VSTM2B: variants seen among roughly 807,000 people sequenced by gnomAD.
VSTM2B encodes V-set and transmembrane domain containing 2B.
In VSTM2B, 24 loss-of-function variants were observed where a neutral mutation model predicts 24.0. That is an observed-to-expected ratio of 1.00 (90% CI 0.72 to 1.40). The LOEUF (loss-of-function observed/expected upper bound fraction) is 1.40. VSTM2B is among the 40% of genes most tolerant of loss of function. The pLI is 0.00. For missense variants in VSTM2B, 399 were observed against 416.4 expected (o/e 0.96, Z 0.36); for synonymous variants, 226 against 194.4 (o/e 1.16, Z -1.35).
chr19:29,560,329 C>T (rs549071350), intron 4 of VSTM2B, among the ~76,000 whole-genome samples: 3 of 152,196 alleles, frequency 2.0e-5, no homozygotes, highest in African/African-American at 7.2e-5. Context: ...TGAGACATGC[C>T]ATGCACATAT....
chr19:29,531,769 G>T (rs1323301460), intron 4 of VSTM2B, among the ~76,000 whole-genome samples: 1 of 152,234 alleles, frequency 6.6e-6, no homozygotes, highest in Non-Finnish European at 1.5e-5. Context: ...ATCACTAGGT[G>T]CTGTGACAAA....
intron 4 of VSTM2B, among the ~76,000 whole-genome samples, chr19:29,543,468 C>T (rs771467662): frequency 6.6e-6 from 1 of 152,196 alleles, no homozygotes; most frequent in Non-Finnish European, 1.5e-5. Context: ...AACCCAAAGG[C>T]GGATTGTAAT....
At position 29,564,053 on chromosome 19, in the gene VSTM2B, G is replaced by A. The variant is rs951950336; in HGVS notation, c.*119G>A. 4 of 740,326 alleles carry A rather than the reference G, an allele frequency of 5.4e-6. No individual in the cohort carries two copies. Among genetic ancestry groups the A allele is most frequent in the Non-Finnish European group, 8.9e-6 (4 of 447,516 alleles). The allele number at this position is 740,326 out of a possible 1,614,324, so 45.9% of individuals were successfully genotyped here. On this transcript the variant is annotated 3_prime_UTR_variant, in exon 5 of 5. Transcript: ENST00000335523. ...GAGAGACGCATGAAAAAGTCCACATGGAAAATAAATAAATCATATTTTTGG... is the reference window on the plus strand; with the variant it reads ...GAGAGACGCATGAAAAAGTCCACATAGAAAATAAATAAATCATATTTTTGG...
Position 29,526,882 on chromosome 19 carries a change from C to G in VSTM2B, c.82+217C>G, listed in dbSNP as rs964390926. The G allele has an allele frequency of 7.1e-5, 35 of 494,760 alleles. No individual in the cohort carries two copies. The highest frequency in any genetic ancestry group is 1.1e-4 in the Non-Finnish European group (32 of 287,536). The allele number at this position is 494,760 out of a possible 1,614,324, so 30.6% of individuals were successfully genotyped here. ...GTCGTTCCCAGTCCCGCCGGGGCCC[C>G]GGCTGCGGAAAGGATGCCTGCGGGG... On this transcript the variant is annotated intron_variant, in intron 1 of 4. Transcript: ENST00000335523. The surrounding 1 kb of genome is among the most constrained non-coding windows in gnomAD (Gnocchi z 4.1).
chr19:29,558,102 T>G (rs1196759423), intron 4 of VSTM2B, among the ~76,000 whole-genome samples: 3 of 152,064 alleles, frequency 2.0e-5, no homozygotes, highest in Non-Finnish European at 4.4e-5. Context: ...TATATGTATA[T>G]ATATATAAAG....
intron 4 of VSTM2B, among the ~76,000 whole-genome samples, chr19:29,551,948 G>A (rs140279931): frequency 4.6e-5 from 7 of 152,322 alleles, no homozygotes; most frequent in South Asian, 2.1e-4. Flanking sequence ...TGAGCAGAAC[G>A]TACCCTCTGG....
intron 4 of VSTM2B, among the ~76,000 whole-genome samples, chr19:29,557,072 C>G (rs1007873260): frequency 4.6e-5 from 7 of 152,074 alleles, no homozygotes; most frequent in African/African-American, 1.7e-4. Context: ...TCCATATAGC[C>G]AAGACAATCC....
chr19:29,547,444 T>C (rs1970180408), intron 4 of VSTM2B, among the ~76,000 whole-genome samples: 1 of 152,196 alleles, frequency 6.6e-6, no homozygotes, highest in Non-Finnish European at 1.5e-5. Flanking sequence ...TTTGCCTTGT[T>C]ATCCTAAAGG....
intron 4 of VSTM2B, among the ~76,000 whole-genome samples, chr19:29,532,563 T>C (rs1969785190): frequency 6.6e-6 from 1 of 152,188 alleles, no homozygotes; most frequent in African/African-American, 2.4e-5. Context: ...CCTGGAGGAT[T>C]TGAAAGGCAG....
intron 4 of VSTM2B, among the ~76,000 whole-genome samples, chr19:29,562,826 AG>A (rs940215802): frequency 6.6e-5 from 10 of 152,270 alleles, no homozygotes; most frequent in Non-Finnish European, 1.3e-4. Context: ...CGGGGGACCA[AG>A]GCGAAGCAGG....
intron 4 of VSTM2B, among the ~76,000 whole-genome samples, chr19:29,548,551 A>G (rs1681248184): frequency 1.3e-5 from 2 of 152,174 alleles, no homozygotes; most frequent in African/African-American, 2.4e-5. Flanking sequence ...GCTTTTAATA[A>G]AACATCAACA....
At chr19:29,533,766 C>T (rs532287863) in intron 4 of VSTM2B, among the ~76,000 whole-genome samples, 1 of 152,336 alleles carries the variant, frequency 6.6e-6, no homozygotes, top group African/African-American at 2.4e-5. Context: ...CATTAGTAAC[C>T]TTTCTGTAGG....
intron 4 of VSTM2B, among the ~76,000 whole-genome samples, chr19:29,562,610 T>A (rs1970556783): frequency 6.6e-6 from 1 of 152,182 alleles, no homozygotes; most frequent in Non-Finnish European, 1.5e-5. Context: ...TTCATGCCGC[T>A]GACTCTAAGC....
intron 4 of VSTM2B, among the ~76,000 whole-genome samples, chr19:29,557,629 G>T (rs1444605734): frequency 6.6e-6 from 1 of 151,876 alleles, no homozygotes; most frequent in East Asian, 1.9e-4. Context: ...AACCCGGGAG[G>T]TGGAGGTTGC....
At chr19:29,558,996 A>G (rs1970473031) in intron 4 of VSTM2B, among the ~76,000 whole-genome samples, 2 of 152,208 alleles carry the variant, frequency 1.3e-5, no homozygotes, top group South Asian at 4.1e-4. Context: ...AAATAGGAAC[A>G]CTTTTACACT....
intron 4 of VSTM2B, among the ~76,000 whole-genome samples, chr19:29,531,783 A>G (rs1969765487): frequency 6.6e-6 from 1 of 152,022 alleles, no homozygotes; most frequent in African/African-American, 2.4e-5. Context: ...TGACAAATAA[A>G]CCCCAAAAGG....
intron 4 of VSTM2B, among the ~76,000 whole-genome samples, chr19:29,531,172 C>A (rs950958875): frequency 1.3e-5 from 2 of 152,072 alleles, no homozygotes; most frequent in Admixed American, 1.3e-4. Flanking sequence ...CCCAAGGCAT[C>A]CCCCACTCTC....
At chr19:29,528,547 C>CGGCCGCGCATGTGG (rs1255240065) in intron 3 of VSTM2B, 85 bp downstream of exon 3, 4 of 1,513,412 alleles carry the variant, frequency 2.6e-6, no homozygotes, top group East Asian at 2.5e-5. Flanking sequence ...CAAGCCGCGG[C>CGGCCGCGCATGTGG]GGCCGCGCAT....
intron 4 of VSTM2B, among the ~76,000 whole-genome samples, chr19:29,533,038 C>T (rs1969797348): frequency 6.6e-6 from 1 of 152,186 alleles, no homozygotes; most frequent in Non-Finnish European, 1.5e-5. Context: ...AGTCTGATCT[C>T]CAGTCTCGGT....
Sources: gnomAD v4.1 joint callset for allele counts (sites outside exome capture counted in the v4.1 genomes callset) on GRCh38, gnomAD v4.1.1 for gene constraint, Gnocchi (gnomAD v3.1) non-coding constraint, MANE v1.5 for transcripts, NCBI Gene and HGNC (gene_info 2026-07-23, HGNC 2026-07-21) for gene names.